TNNC1: variants seen among roughly 807,000 people sequenced by gnomAD.
TNNC1 encodes the protein troponin C, slow skeletal and cardiac muscles.
In TNNC1, 10 loss-of-function variants were observed where a neutral mutation model predicts 19.6. The observed-to-expected ratio is 0.51, with a 90% CI of 0.31 to 0.87. The LOEUF (loss-of-function observed/expected upper bound fraction) is 0.87, where lower values mean the gene tolerates loss of function less well. Ranked by LOEUF, TNNC1 falls within the 40% of genes least tolerant of loss-of-function variation. The pLI, the probability that TNNC1 is intolerant of heterozygous loss-of-function variation, is 0.04. For synonymous variants in TNNC1, 85 were observed against 80.1 expected, an observed-to-expected ratio of 1.06 and a Z score of -0.33; for missense variants, 115 against 219.8, an observed-to-expected ratio of 0.52 and a Z score of 3.02.
chr3:52,452,087 T>C lies in TNNC1; in HGVS notation c.202+19A>G, dbSNP rs954619729. The stretch of plus-strand genomic sequence containing the variant: ...AGCCAGCTGGGGTTCTTCTGGAGCC[T>C]GGGGAGGAGGGGGCTCACCGTCCTC... On this transcript the variant is annotated intron_variant, in intron 3 of 5. Transcript: ENST00000232975. The surrounding 1 kb of genome is among the most constrained non-coding windows in gnomAD (Gnocchi z 5.2). The C allele has an allele frequency of 2.5e-6, 4 of 1,613,626 alleles. No individual in the cohort carries two copies. Among genetic ancestry groups the C allele is most frequent in the African/African-American group, 2.7e-5 (2 of 75,010 alleles).
In TNNC1 at chr3:52,452,365, G is replaced by C. The variant is rs557587013; in HGVS notation, c.56-113C>G. On this transcript the variant is annotated intron_variant, in intron 2 of 5. Transcript: ENST00000232975. The surrounding 1 kb of genome is among the most constrained non-coding windows in gnomAD (Gnocchi z 5.2). ...GCCCACCTCCCTCGGAGACCTCTCT[G>C]AGGGCAGAGCAAGAGGGACCAAGCC... is the stretch of plus-strand genomic sequence containing the variant. The C allele has an allele frequency of 1.6e-4, 258 of 1,589,750 alleles. No homozygotes were observed. The highest frequency in any genetic ancestry group is 2.0e-4 in the Non-Finnish European group (231 of 1,168,178).
rs1706344889 is a variant in TNNC1 at position 52,452,575 on chromosome 3, C to T, written c.25-62G>A. ...GTATAGCTGCTGCTGAGGAAACCAA[C>T]CCATTCCACAGGTGAGAAGGCTGGA... On this transcript the variant is annotated intron_variant, in intron 1 of 5. Transcript: ENST00000232975. This position sits in a 1 kb window ranked among gnomAD's most constrained non-coding sequence, Gnocchi z 5.2. 1.9e-6 allele frequency: 3 copies of T among 1,567,662 alleles called. No homozygotes were observed. In the East Asian group the frequency reaches 6.8e-5, roughly 35 times the overall value.
intron 1 of TNNC1, 73 bp downstream of exon 1, chr3:52,453,918 TA>T: frequency 6.5e-7 from 1 of 1,534,018 alleles, no homozygotes; most frequent in Admixed American, 1.9e-5. Context: ...CTGGGGCTAC[TA>T]ACCCCGCACT....
Position 52,452,054 on chromosome 3 carries a change from C to T in TNNC1, c.202+52G>A, listed in dbSNP as rs1357409930. 8 of 1,613,062 alleles carry T rather than the reference C, an allele frequency of 5.0e-6. No individual in the cohort carries two copies. The highest frequency in any genetic ancestry group is 6.8e-6 in the Non-Finnish European group (8 of 1,179,808). On this transcript the variant is annotated intron_variant, in intron 3 of 5. Transcript: ENST00000232975. The surrounding 1 kb of genome is among the most constrained non-coding windows in gnomAD (Gnocchi z 5.2). The stretch of plus-strand genomic sequence containing the variant: ...TCCCAGCTAAACAGAGCCAGCATTC[C>T]AGCCCCCAGCCAGCTGGGGTTCTTC...
chr3:52,451,966 C>T lies in TNNC1; in HGVS notation c.203-108G>A. The T allele has an allele frequency of 1.9e-6, 3 of 1,544,338 alleles. No individual in the cohort carries two copies. The highest frequency in any genetic ancestry group is 1.1e-5 in the South Asian group (1 of 89,702). On this transcript the variant is annotated intron_variant, in intron 3 of 5. Coordinates refer to ENST00000232975, the MANE Select transcript of TNNC1 (RefSeq NM_003280.3). The surrounding 1 kb of genome is among the most constrained non-coding windows in gnomAD (Gnocchi z 4.8). ...CCGCATCCTCACACCAAACGCCAGGCTTGTGTAGCCCTTATGCCCATTTTA... is the reference window on the plus strand; with the variant it reads ...CCGCATCCTCACACCAAACGCCAGGTTTGTGTAGCCCTTATGCCCATTTTA...
intron 1 of TNNC1, among the ~76,000 whole-genome samples, chr3:52,453,037 C>T (rs1366836111): frequency 6.6e-6 from 1 of 152,238 alleles, no homozygotes; most frequent in Non-Finnish European, 1.5e-5. Context: ...AAAATTAGTC[C>T]CCAACTCCGC....
chr3:52,452,007 AG>A lies in TNNC1; in HGVS notation c.202+98del. 2 of 1,593,666 alleles carry A rather than the reference AG, an allele frequency of 1.3e-6. No homozygotes were observed. ...GCCCATTTTATAGATGAGGCAACCA[AG>A]GCTCGGATAGGCTAAATTGCTCCCA... On this transcript the variant is annotated intron_variant, in intron 3 of 5. Transcript: ENST00000232975. This position sits in a 1 kb window ranked among gnomAD's most constrained non-coding sequence, Gnocchi z 5.2.
chr3:52,453,911 G>A, intron 1 of TNNC1, 81 bp downstream of exon 1: 1 of 1,516,874 alleles, frequency 6.6e-7, no homozygotes, highest in South Asian at 1.2e-5. Context: ...CACTTCCCTG[G>A]GGCTACTAAC....
chr3:52,452,868 G>A lies in TNNC1; in HGVS notation c.25-355C>T. On this transcript the variant is annotated intron_variant, in intron 1 of 5. Coordinates refer to ENST00000232975, the MANE Select transcript of TNNC1 (RefSeq NM_003280.3). This position sits in a 1 kb window ranked among gnomAD's most constrained non-coding sequence, Gnocchi z 5.2. ...GTTGGGATAATAAAACCAGTGTGGA[G>A]GCAGGCAAGCCACCCACGGTAACCT... The A allele has an allele frequency of 2.5e-6, 1 of 399,870 alleles. No individual in the cohort carries two copies. Among genetic ancestry groups the A allele is most frequent in the Non-Finnish European group, 4.7e-6 (1 of 212,534 alleles). The allele number at this position is 399,870 out of a possible 1,614,324, so 24.8% of individuals were successfully genotyped here.
Position 52,452,079 on chromosome 3 carries a change from C to T in TNNC1, c.202+27G>A, listed in dbSNP as rs1458482211. On this transcript the variant is annotated intron_variant, in intron 3 of 5. Transcript: ENST00000232975. This position sits in a 1 kb window ranked among gnomAD's most constrained non-coding sequence, Gnocchi z 5.2. ...CAGCCCCCAGCCAGCTGGGGTTCTT[C>T]TGGAGCCTGGGGAGGAGGGGGCTCA... 1 of 1,613,712 alleles carries T rather than the reference C, an allele frequency of 6.2e-7. No homozygotes were observed. Among genetic ancestry groups the T allele is most frequent in the Admixed American group, 1.7e-5 (1 of 60,030 alleles).
Position 52,451,931 on chromosome 3 carries a change from C to T in TNNC1, c.203-73G>A, listed in dbSNP as rs1215278582. The stretch of plus-strand genomic sequence containing the variant: ...AGGCAGCACCTTCGACACGAACCCC[C>T]ATGTTCTCACCGCATCCTCACACCA... On this transcript the variant is annotated intron_variant, in intron 3 of 5. Transcript: ENST00000232975. This position sits in a 1 kb window ranked among gnomAD's most constrained non-coding sequence, Gnocchi z 4.8. The T allele has an allele frequency of 2.6e-6, 4 of 1,538,840 alleles. No homozygotes were observed. Among genetic ancestry groups the T allele is most frequent in the Non-Finnish European group, 3.6e-6 (4 of 1,113,882 alleles).
At chr3:52,453,395 C>G (rs898367241) in intron 1 of TNNC1, among the ~76,000 whole-genome samples, 8 of 152,164 alleles carry the variant, frequency 5.3e-5, no homozygotes, top group Non-Finnish European at 2.9e-5. Flanking sequence ...GAGCTGGGGC[C>G]CCAGTTCTCT....
At chr3:52,453,811 C>A (rs1338288105) in intron 1 of TNNC1, among the ~76,000 whole-genome samples, 181 bp downstream of exon 1, 1 of 152,214 alleles carries the variant, frequency 6.6e-6, no homozygotes, top group East Asian at 1.9e-4. Flanking sequence ...ACCCGGAACC[C>A]CCTACCCCTT....
rs397516848 is a variant in TNNC1, at chr3:52,451,403, T to C, written c.442A>G (p.Ile148Val). Residue 148 changes from isoleucine (I) to valine (V), a missense_variant, in exon 5 of 6, where the codon ATC becomes GTC. This residue lies in a region of TNNC1 where 96 missense variants were observed against 114.2 expected (regional missense o/e 0.84). Transcript: ENST00000232975. The surrounding 1 kb of genome is among the most constrained non-coding windows in gnomAD (Gnocchi z 4.8). ...CCCACCCGCTTACCATCATAGTCGA[T>C]GCGGCCGTCGTTGTTCTTGTCTCCG... Reference protein sequence around the residue: ...KDGDKNNDGRIDYDEFLEFMK... With the variant: ...KDGDKNNDGRVDYDEFLEFMK... 1.3e-5 allele frequency: 21 copies of C among 1,614,028 alleles called. 1 individual carries two copies. The highest frequency in any genetic ancestry group is 1.6e-4 in the Middle Eastern group (1 of 6,084).
At position 52,452,810 on chromosome 3, in the gene TNNC1, A is replaced by G. The variant is rs1031316704; in HGVS notation, c.25-297T>C. 3.3e-5 allele frequency: 17 copies of G among 514,390 alleles called. No individual in the cohort carries two copies. Among genetic ancestry groups the G allele is most frequent in the Middle Eastern group, 5.4e-4 (1 of 1,846 alleles). 31.9% of individuals were successfully genotyped at this position (514,390 alleles called of 1,614,324 possible). A position where few individuals can be genotyped will look rare whatever the true frequency, so the allele number is the denominator to read the frequency against. ...CCCTTTCGGCCCCTGATGAAACTCA[A>G]GCTGGGTGGCCCGAAGGACAGCTGT... On this transcript the variant is annotated intron_variant, in intron 1 of 5. Coordinates refer to ENST00000232975, the MANE Select transcript of TNNC1 (RefSeq NM_003280.3). The surrounding 1 kb of genome is among the most constrained non-coding windows in gnomAD (Gnocchi z 5.2).
chr3:52,451,362 G>A lies in TNNC1; in HGVS notation c.454+29C>T. On this transcript the variant is annotated intron_variant, in intron 5 of 5. Transcript: ENST00000232975. This position sits in a 1 kb window ranked among gnomAD's most constrained non-coding sequence, Gnocchi z 4.8. ...GGTAGGGGCTGGGCAGGGCATGGAGGCAGGAGATCAGCCCACCCACCCGCT... is the reference window on the plus strand; with the variant it reads ...GGTAGGGGCTGGGCAGGGCATGGAGACAGGAGATCAGCCCACCCACCCGCT... 6.2e-7 allele frequency: 1 copy of A among 1,614,090 alleles called. No individual in the cohort carries two copies. Among genetic ancestry groups the A allele is most frequent in the Non-Finnish European group, 8.5e-7 (1 of 1,179,984 alleles).
In TNNC1 at chr3:52,451,188, G is replaced by A; in HGVS notation, c.*87C>T. On this transcript the variant is annotated 3_prime_UTR_variant, in exon 6 of 6. Transcript: ENST00000232975. The surrounding 1 kb of genome is among the most constrained non-coding windows in gnomAD (Gnocchi z 4.8). Reference sequence around the variant, plus strand: ...GGGTTGAGGACATGGCCAGGCTCAGGTCCTGGGACCCCGACCCCCTCCCCA... The same window carrying A: ...GGGTTGAGGACATGGCCAGGCTCAGATCCTGGGACCCCGACCCCCTCCCCA... 12 of 1,525,056 alleles carry A rather than the reference G, an allele frequency of 7.9e-6. No individual in the cohort carries two copies. The highest frequency in any genetic ancestry group is 1.1e-5 in the Non-Finnish European group (12 of 1,101,540). 94.5% of individuals were successfully genotyped at this position (1,525,056 alleles called of 1,614,324 possible).
Position 52,451,876 on chromosome 3 carries a change from G to T in TNNC1, c.203-18C>A. ...GCCGCTGCCTGGGGGTGGGCAGCAT[G>T]GCCGTTACAGAGGCCAGGGTAGGTA... On this transcript the variant is annotated intron_variant, in intron 3 of 5. Transcript: ENST00000232975. The surrounding 1 kb of genome is among the most constrained non-coding windows in gnomAD (Gnocchi z 4.8). 6.2e-7 allele frequency: 1 copy of T among 1,610,236 alleles called. No individual in the cohort carries two copies. The highest frequency in any genetic ancestry group is 8.5e-7 in the Non-Finnish European group (1 of 1,176,698).
At chr3:52,453,891 T>A in intron 1 of TNNC1, 101 bp downstream of exon 1, 1 of 1,432,490 alleles carries the variant, frequency 7.0e-7, no homozygotes, top group Non-Finnish European at 9.6e-7. Context: ...GCCTTCTCCT[T>A]GGTCCCCACC....
Sources: gnomAD v4.1 joint callset for allele counts (sites outside exome capture counted in the v4.1 genomes callset) on GRCh38, gnomAD v4.1.1 for gene constraint, gnomAD v4.1.1 regional missense constraint, Gnocchi (gnomAD v3.1) non-coding constraint, MANE v1.5 for transcripts, NCBI Gene and HGNC (gene_info 2026-07-23, HGNC 2026-07-21) for gene names.